DACH1: variants seen among roughly 807,000 people sequenced by gnomAD.
DACH1 encodes the protein dachshund homolog 1.
Under a neutral mutation model 54.2 loss-of-function variants are expected in DACH1, and 12 were observed. That is an observed-to-expected ratio of 0.22 (90% CI 0.14 to 0.36). The LOEUF is 0.36. Ranked by LOEUF, DACH1 falls within the 10% of genes least tolerant of loss-of-function variation. The pLI is 1.00. For missense variants in DACH1, 805 were observed against 929.8 expected, an observed-to-expected ratio of 0.87 and a Z score of 1.75; for synonymous variants, 386 against 366.2, an observed-to-expected ratio of 1.05 and a Z score of -0.62.
intron 1 of DACH1, among the ~76,000 whole-genome samples, chr13:71,863,358 A>G (rs1415781492): frequency 6.6e-6 from 1 of 150,388 alleles, no homozygotes; most frequent in African/African-American, 2.4e-5. Context: ...TATTGCATGT[A>G]TTTAAGTTTG....
intron 1 of DACH1, among the ~76,000 whole-genome samples, chr13:71,764,823 T>C (rs978882380): frequency 6.6e-6 from 1 of 152,234 alleles, no homozygotes; most frequent in Admixed American, 6.5e-5. Context: ...TTCTTAGGCA[T>C]CTTGACAACT....
chr13:71,709,958 C>T (rs1882631638), intron 1 of DACH1, among the ~76,000 whole-genome samples: 1 of 152,118 alleles, frequency 6.6e-6, no homozygotes, highest in Admixed American at 6.5e-5. Flanking sequence ...ATCGATCCTT[C>T]CACCTTAACC....
intron 1 of DACH1, among the ~76,000 whole-genome samples, chr13:71,816,665 TATATATACACACATATATATATACAC>T (rs1887965161): frequency 1.0e-5 from 1 of 98,410 alleles, no homozygotes; most frequent in African/African-American, 3.5e-5. Flanking sequence ...TACACGTGTA[TATATATACACACATATATATATACAC>T]ATATATATAT....
At chr13:71,704,296 AG>A (rs1882316621) in intron 1 of DACH1, 6 of 304,108 alleles carry the variant, frequency 2.0e-5, no homozygotes, top group Admixed American at 3.6e-5. Flanking sequence ...GTGATATTGT[AG>A]ACATCAAGAG....
At chr13:71,537,674 C>T (rs546017572) in intron 6 of DACH1, among the ~76,000 whole-genome samples, 20 of 152,138 alleles carry the variant, frequency 1.3e-4, no homozygotes, top group African/African-American at 4.6e-4. Context: ...TTTCTCAATC[C>T]CATCTTGAAA....
At chr13:71,454,418 G>T (rs113217341) in intron 10 of DACH1, among the ~76,000 whole-genome samples, 1,939 of 152,250 alleles carry the variant, frequency 0.013, 43 homozygotes, top group African/African-American at 0.044. Context: ...AGTGTGGGTT[G>T]TACCTAGGGA....
chr13:71,476,415 T>A (rs1341314561), intron 8 of DACH1, among the ~76,000 whole-genome samples: 2 of 152,194 alleles, frequency 1.3e-5, no homozygotes. Context: ...AAAATACTTT[T>A]AATTATTGTT....
rs79040817 is a variant in DACH1 at position 71,757,131 on chromosome 13, T to A, written c.849-75221A>T. The stretch of plus-strand genomic sequence containing the variant: ...ATTGACATAAAGCAAAAATAGTTTA[T>A]TTAGCTTGAATAATTAATATTATGC... On this transcript the variant is annotated intron_variant, in intron 1 of 10. Coordinates refer to ENST00000613252, the MANE Select transcript of DACH1 (RefSeq NM_080759.6). Among the ~76,000 whole-genome samples, 616 of 152,320 alleles carry A rather than the reference T, an allele frequency of 4.0e-3. 29 individuals carry two copies. In the East Asian group the frequency reaches 0.082, roughly 20 times the overall value.
chr13:71,617,801 A>G (rs1052566275), intron 3 of DACH1, among the ~76,000 whole-genome samples: 1 of 152,172 alleles, frequency 6.6e-6, no homozygotes, highest in African/African-American at 2.4e-5. Context: ...CTTGGCATCA[A>G]TCATGGGGCT....
intron 3 of DACH1, among the ~76,000 whole-genome samples, chr13:71,586,067 T>C (rs1384445974): frequency 6.6e-6 from 1 of 152,176 alleles, no homozygotes; most frequent in Non-Finnish European, 1.5e-5. Context: ...CTGTAGTTCC[T>C]TTTATACTGC....
intron 3 of DACH1, among the ~76,000 whole-genome samples, chr13:71,596,603 G>T (rs1416924669): frequency 6.6e-6 from 1 of 152,136 alleles, no homozygotes; most frequent in African/African-American, 2.4e-5. Context: ...TCAAGACAAT[G>T]TCATCACAAA....
rs563036468 is a variant in DACH1 at position 71,560,427 on chromosome 13, A to G, written c.1300-472T>C. Among the ~76,000 whole-genome samples the G allele has an allele frequency of 6.6e-5, 10 of 152,300 alleles. No individual in the cohort carries two copies. In the East Asian group the frequency reaches 1.9e-3, roughly 29 times the overall value. On this transcript the variant is annotated intron_variant, in intron 4 of 10. Coordinates refer to ENST00000613252, the MANE Select transcript of DACH1 (RefSeq NM_080759.6). ...CAGAGGAGTTTTTAACAGGTATTCC[A>G]TCCTAGTACTGCTCTGGACATACTC...
At chr13:71,454,637 T>C (rs1875388969) in intron 10 of DACH1, among the ~76,000 whole-genome samples, 1 of 152,288 alleles carries the variant, frequency 6.6e-6, no homozygotes, top group East Asian at 1.9e-4. Flanking sequence ...CTCTGGCCAA[T>C]GGCCAGCAAG....
At chr13:71,533,538 A>G (rs1882555192) in intron 6 of DACH1, among the ~76,000 whole-genome samples, 1 of 152,144 alleles carries the variant, frequency 6.6e-6, no homozygotes, top group East Asian at 1.9e-4. Flanking sequence ...AAATTCTAAT[A>G]TGCCATTCAA....
At chr13:71,630,821 G>C in intron 2 of DACH1, 104 bp from the exon 3 acceptor site, 1 of 1,299,012 alleles carries the variant, frequency 7.7e-7, no homozygotes. Flanking sequence ...TAGAGTATCT[G>C]ATTCCTTTAT....
chr13:71,481,515 G>T (rs1297047279), intron 7 of DACH1, among the ~76,000 whole-genome samples: 1 of 152,064 alleles, frequency 6.6e-6, no homozygotes, highest in Admixed American at 6.6e-5. Context: ...GTGACTAATG[G>T]TAATACATTA....
At chr13:71,578,675 T>C (rs938339386) in intron 3 of DACH1, among the ~76,000 whole-genome samples, 2 of 152,104 alleles carry the variant, frequency 1.3e-5, no homozygotes, top group African/African-American at 4.8e-5. Context: ...ACTACTAAAA[T>C]GAGAAAAGAA....
chr13:71,594,251 T>C (rs908356229), intron 3 of DACH1, among the ~76,000 whole-genome samples: 2 of 151,858 alleles, frequency 1.3e-5, no homozygotes, highest in East Asian at 3.9e-4. Context: ...GTGTAAAATA[T>C]ATACTTTAGG....
intron 1 of DACH1, among the ~76,000 whole-genome samples, chr13:71,795,732 T>G (rs375404739): frequency 6.6e-6 from 1 of 152,160 alleles, no homozygotes; most frequent in African/African-American, 2.4e-5. Context: ...TTGTATGACG[T>G]ATAACTTTGA....
Sources: allele counts gnomAD v4.1 joint callset (sites outside exome capture counted in the v4.1 genomes callset), GRCh38; gene constraint gnomAD v4.1.1; transcripts MANE v1.5; gene names NCBI Gene and HGNC (gene_info 2026-07-23, HGNC 2026-07-21).